The following PPP2R1B variants were observed in gnomAD, a reference collection of about 807,000 sequenced individuals.
The protein encoded by PPP2R1B is serine/threonine-protein phosphatase 2A 65 kDa regulatory subunit A beta isoform.
A neutral mutation model predicts 72.7 loss-of-function variants in PPP2R1B; 58 were observed. The observed-to-expected ratio is 0.80, with a 90% CI of 0.65 to 0.99. PPP2R1B has a LOEUF of 0.99. PPP2R1B is among the 50% of genes least tolerant of loss of function. PPP2R1B has a pLI of 0.00. For synonymous variants in PPP2R1B, 256 were observed against 264.6 expected (o/e 0.97, Z 0.32); for missense variants, 695 against 733.6 (o/e 0.95, Z 0.61).
intron 10 of PPP2R1B, among the ~76,000 whole-genome samples, chr11:111,749,955 A>T (rs572513791): frequency 1.3e-5 from 2 of 152,318 alleles, no homozygotes; most frequent in South Asian, 4.2e-4. Context: ...TCTTCAGCAA[A>T]TCAGTTAATC....
chr11:111,704,339 G>A, the PPP2R1B span, among the ~76,000 whole-genome samples: 1 of 152,238 alleles, frequency 6.6e-6, no homozygotes, highest in Admixed American at 6.5e-5. Flanking sequence ...CAAAGGAGCA[G>A]TTGTTTCTCT....
the PPP2R1B span, chr11:111,705,160 A>G: frequency 1.3e-6 from 2 of 1,540,514 alleles, no homozygotes; most frequent in Non-Finnish European, 1.7e-6. This position sits in a 1 kb window ranked among gnomAD's most constrained non-coding sequence, Gnocchi z 4.3. Flanking sequence ...CTTAGCTGAG[A>G]GTCTTATCTG....
chr11:111,739,807 T>C lies in PPP2R1B; in HGVS notation c.*1789A>G. ...TTAAAATGTTTACAGAATAATAGCA[T>C]AAGATATTAAAATGAGAATATAGAA... On this transcript the variant is annotated 3_prime_UTR_variant, in exon 15 of 15. Transcript: ENST00000527614. The C allele has an allele frequency of 1.0e-6, 1 of 968,666 alleles. No individual in the cohort carries two copies. The highest frequency in any genetic ancestry group is 4.8e-5 in the South Asian group (1 of 20,922). The allele number at this position is 968,666 out of a possible 1,614,324, so 60.0% of individuals were successfully genotyped here. A position where few individuals can be genotyped will look rare whatever the true frequency, so the allele number is the denominator to read the frequency against.
intron 10 of PPP2R1B, among the ~76,000 whole-genome samples, chr11:111,749,064 C>A (rs782632617): frequency 1.4e-4 from 22 of 152,040 alleles, no homozygotes; most frequent in Middle Eastern, 3.2e-3. Context: ...AGGCTGGTCT[C>A]TTAACTCCTG....
the PPP2R1B span, among the ~76,000 whole-genome samples, chr11:111,718,080 G>GA: frequency 4.0e-5 from 6 of 150,422 alleles, no homozygotes; most frequent in Admixed American, 6.6e-5. Context: ...AAAAATTGAA[G>GA]AAAAAAAAAG....
chr11:111,706,788 C>T, the PPP2R1B span, among the ~76,000 whole-genome samples: 16 of 151,720 alleles, frequency 1.1e-4, no homozygotes, highest in East Asian at 7.7e-4. Context: ...GGTGAAACCC[C>T]GTCTCTACTA....
chr11:111,693,043 C>CT, the PPP2R1B span, among the ~76,000 whole-genome samples: 1 of 152,068 alleles, frequency 6.6e-6, no homozygotes, highest in Admixed American at 6.6e-5. Context: ...TGGGTAAAAA[C>CT]TTGAGACAGG....
intron 11 of PPP2R1B, among the ~76,000 whole-genome samples, chr11:111,747,250 G>C (rs1402221862): frequency 6.6e-6 from 1 of 152,202 alleles, no homozygotes; most frequent in African/African-American, 2.4e-5. Context: ...GGATCTGGCA[G>C]AGACGGTACA....
intron 4 of PPP2R1B, 124 bp from the exon 5 acceptor site, chr11:111,760,075 T>C (rs781932732): frequency 1.0e-4 from 111 of 1,060,882 alleles, no homozygotes; most frequent in African/African-American, 2.5e-4. Flanking sequence ...CTTCTACTTA[T>C]AGAAGTAACA....
chr11:111,720,731 C>T, the PPP2R1B span: 1 of 1,605,808 alleles, frequency 6.2e-7, no homozygotes, highest in Non-Finnish European at 8.5e-7. Flanking sequence ...TCAGAGAGGG[C>T]CGCAGAGCAT....
rs1321209868 is a variant in PPP2R1B, at chr11:111,739,245, T to C, written c.*2351A>G. On this transcript the variant is annotated 3_prime_UTR_variant, in exon 15 of 15. Coordinates refer to ENST00000527614, the MANE Select transcript of PPP2R1B (RefSeq NM_002716.5). ...ACTGTTCCAGGCACTGGCGATACAG[T>C]AGAAGATAAAACAGACAAAAATACC... The C allele has an allele frequency of 7.2e-6, 7 of 972,322 alleles. No homozygotes were observed. Among genetic ancestry groups the C allele is most frequent in the South Asian group, 4.8e-5 (1 of 21,012 alleles). The allele number at this position is 972,322 out of a possible 1,614,324, so 60.2% of individuals were successfully genotyped here. A position where few individuals can be genotyped will look rare whatever the true frequency, so the allele number is the denominator to read the frequency against.
downstream of PPP2R1B, chr11:111,723,556 G>A: frequency 6.2e-7 from 1 of 1,614,188 alleles, no homozygotes; most frequent in Non-Finnish European, 8.5e-7. Context: ...ATTTTAATCA[G>A]ATGCAGATAG....
the PPP2R1B span, among the ~76,000 whole-genome samples, chr11:111,708,135 G>A: frequency 1.2e-4 from 18 of 152,220 alleles, no homozygotes; most frequent in East Asian, 3.9e-4. Context: ...TAATCCCGGC[G>A]CTTTGGGAGG....
At chr11:111,705,135 C>T in the PPP2R1B span, 3 of 1,567,110 alleles carry the variant, frequency 1.9e-6, no homozygotes, top group Non-Finnish European at 1.7e-6. This position sits in a 1 kb window ranked among gnomAD's most constrained non-coding sequence, Gnocchi z 4.3. Flanking sequence ...CAAACAGTTG[C>T]CAAGGTAATG....
At position 111,759,885 on chromosome 11, in the gene PPP2R1B, A is replaced by G; in HGVS notation, c.606T>C (p.Gly202=). The change falls in exon 5 of 15, where the codon GGT becomes GGC. Residue 202 remains glycine, a synonymous_variant. Transcript: ENST00000527614. ...MVRRAAASKL[G]EFAKVLELDS... ...CTAATTCCAAAACTTTTGCAAATTC[A>G]CCCAATTTGGAAGCAGCAGCACGTC... 1.9e-6 allele frequency: 3 copies of G among 1,614,118 alleles called. No individual in the cohort carries two copies. The highest frequency in any genetic ancestry group is 2.5e-6 in the Non-Finnish European group (3 of 1,179,974).
At chr11:111,706,459 C>A in the PPP2R1B span, among the ~76,000 whole-genome samples, 7 of 152,222 alleles carry the variant, frequency 4.6e-5, no homozygotes, top group East Asian at 1.2e-3. Context: ...ATTGACTTTC[C>A]TGTCTACTTC....
At chr11:111,695,561 C>T in the PPP2R1B span, among the ~76,000 whole-genome samples, 1 of 151,972 alleles carries the variant, frequency 6.6e-6, no homozygotes, top group Non-Finnish European at 1.5e-5. Flanking sequence ...TATTTTTCAC[C>T]GCCTCTGTTT....
At chr11:111,725,823 C>G (rs548736585), downstream of PPP2R1B, 1 of 152,712 alleles carries the variant, frequency 6.5e-6, no homozygotes, top group East Asian at 1.9e-4. Context: ...CAGAGACTGC[C>G]TGGTCGCCAG....
chr11:111,737,438 G>T (rs757903218), downstream of PPP2R1B: 2 of 1,614,136 alleles, frequency 1.2e-6, no homozygotes, highest in Non-Finnish European at 1.7e-6. Context: ...CCAGGCTTCC[G>T]GGCACTTACC....
Sources: allele counts gnomAD v4.1 joint callset (sites outside exome capture counted in the v4.1 genomes callset), GRCh38; gene constraint gnomAD v4.1.1; non-coding constraint Gnocchi (gnomAD v3.1); transcripts MANE v1.5; gene names NCBI Gene and HGNC (gene_info 2026-07-23, HGNC 2026-07-21).